FER: variants seen among roughly 807,000 people sequenced by gnomAD.
FER encodes FER tyrosine kinase.
In FER, 63 loss-of-function variants were observed where a neutral mutation model predicts 111.0. The observed-to-expected ratio is 0.57, with a 90% CI of 0.46 to 0.70. The LOEUF (loss-of-function observed/expected upper bound fraction) is 0.70. FER is among the 30% of genes least tolerant of loss of function. The probability of loss-of-function intolerance (pLI) is 0.00; values close to 1 mark genes in which losing one functional copy is unlikely to be tolerated. For synonymous variants in FER, 327 were observed against 313.9 expected, an observed-to-expected ratio of 1.04 and a Z score of -0.44; for missense variants, 914 against 954.0, an observed-to-expected ratio of 0.96 and a Z score of 0.55.
chr5:108,861,699 A>G (rs1763538096), intron 5 of FER, among the ~76,000 whole-genome samples: 1 of 152,204 alleles, frequency 6.6e-6, no homozygotes, highest in Non-Finnish European at 1.5e-5. Flanking sequence ...AAAAGTTAAG[A>G]AAGTATATTA....
chr5:108,797,057 A>G (rs1756108921), intron 2 of FER, among the ~76,000 whole-genome samples: 1 of 151,990 alleles, frequency 6.6e-6, no homozygotes. Context: ...CTGGTTATTC[A>G]GGGACCAGAG....
chr5:108,780,764 A>G (rs1189871393), intron 2 of FER, among the ~76,000 whole-genome samples: 1 of 151,124 alleles, frequency 6.6e-6, no homozygotes, highest in Non-Finnish European at 1.5e-5. Context: ...TTCCCATTAC[A>G]TGTATGTTAC....
At chr5:109,064,949 A>C (rs1195006622) in intron 16 of FER, among the ~76,000 whole-genome samples, 1 of 152,216 alleles carries the variant, frequency 6.6e-6, no homozygotes, top group Non-Finnish European at 1.5e-5. Context: ...AAGATGAACA[A>C]AGTTTAATGT....
At chr5:109,056,990 GATTTT>G (rs1252415730) in intron 16 of FER, among the ~76,000 whole-genome samples, 4 of 152,086 alleles carry the variant, frequency 2.6e-5, no homozygotes, top group African/African-American at 9.7e-5. Context: ...TTTAGAGTGA[GATTTT>G]ATTTTATCAA....
At chr5:108,762,411 C>T (rs762250893) in intron 1 of FER, among the ~76,000 whole-genome samples, 3 of 152,216 alleles carry the variant, frequency 2.0e-5, no homozygotes, top group Non-Finnish European at 4.4e-5. Context: ...CTACTTCTAT[C>T]ATCCTGGTTC....
At position 108,915,910 on chromosome 5, in the gene FER, C is replaced by G. The variant is rs944386999; in HGVS notation, c.1236+18062C>G. Among the ~76,000 whole-genome samples the G allele has an allele frequency of 3.9e-5, 6 of 152,136 alleles. No individual in the cohort carries two copies. In the South Asian group the frequency reaches 8.3e-4, roughly 21 times the overall value. ...AGAAGAGGGTCTGAGGTAAGAAAAG[C>G]TTTTCATTCCCTCTTCTTTCACTTT... On this transcript the variant is annotated intron_variant, in intron 10 of 19. Coordinates refer to ENST00000281092, the MANE Select transcript of FER (RefSeq NM_005246.4).
At chr5:108,753,952 A>G (rs1048612062) in intron 1 of FER, among the ~76,000 whole-genome samples, 3 of 152,156 alleles carry the variant, frequency 2.0e-5, no homozygotes, top group Non-Finnish European at 2.9e-5. Context: ...CAGGTACAAG[A>G]TATTTACATG....
chr5:108,771,077 A>C (rs1752847882), intron 2 of FER, among the ~76,000 whole-genome samples: 1 of 151,916 alleles, frequency 6.6e-6, no homozygotes, highest in Admixed American at 6.6e-5. Flanking sequence ...CTGGGATTAC[A>C]GATGCCCGCC....
chr5:109,019,844 TA>T, intron 13 of FER, among the ~76,000 whole-genome samples: 1 of 151,996 alleles, frequency 6.6e-6, no homozygotes, highest in East Asian at 1.9e-4. Flanking sequence ...TATTTATATA[TA>T]AAAAATGTTT....
intron 5 of FER, among the ~76,000 whole-genome samples, chr5:108,855,912 G>T (rs1264032590): frequency 6.6e-6 from 1 of 151,010 alleles, no homozygotes; most frequent in African/African-American, 2.4e-5. Flanking sequence ...ATGAAATACG[G>T]AATTAACTGG....
chr5:108,844,118 A>G (rs1402597221), intron 5 of FER, among the ~76,000 whole-genome samples: 2 of 92,858 alleles, frequency 2.2e-5, no homozygotes, highest in East Asian at 4.4e-4. Context: ...ATGTGTGTGA[A>G]CACATATATG....
At chr5:108,883,928 T>C (rs567572010) in intron 9 of FER, among the ~76,000 whole-genome samples, 38 of 152,154 alleles carry the variant, frequency 2.5e-4, no homozygotes, top group South Asian at 6.2e-4. Context: ...AGCAGACTGA[T>C]GAGAAAACAG....
intron 6 of FER, among the ~76,000 whole-genome samples, chr5:108,870,511 T>C (rs1227418959): frequency 2.0e-5 from 3 of 152,142 alleles, no homozygotes; most frequent in Non-Finnish European, 2.9e-5. Flanking sequence ...TATTTGAAAC[T>C]AGCATTGCCT....
chr5:109,166,995 A>AT (rs1212593909), intron 17 of FER, among the ~76,000 whole-genome samples: 1 of 152,130 alleles, frequency 6.6e-6, no homozygotes, highest in Non-Finnish European at 1.5e-5. Context: ...TTACGGCTTC[A>AT]TTTTTCATAT....
intron 8 of FER, among the ~76,000 whole-genome samples, chr5:108,882,589 C>T (rs935140008): frequency 4.6e-5 from 7 of 151,726 alleles, no homozygotes; most frequent in East Asian, 1.9e-4. Flanking sequence ...TGGTAATTTG[C>T]GCTGCAGGTA....
intron 13 of FER, among the ~76,000 whole-genome samples, chr5:108,973,250 G>A (rs1760909860): frequency 6.6e-6 from 1 of 152,054 alleles, no homozygotes; most frequent in African/African-American, 2.4e-5. Context: ...AATTAAATTA[G>A]TGTTCACCTT....
chr5:109,034,105 GACTT>G (rs1770026389), intron 13 of FER, among the ~76,000 whole-genome samples: 1 of 152,086 alleles, frequency 6.6e-6, no homozygotes, highest in Non-Finnish European at 1.5e-5. Flanking sequence ...ATCTAACTGA[GACTT>G]TGTACCATTT....
In FER at chr5:108,889,657, A is replaced by G. The variant is rs548520602; in HGVS notation, c.1046+6139A>G. Reference sequence around the variant, plus strand: ...TTAATTGTACATTTTAAAATAACTAAAAGAGTATAATAGGATAGTTTATAA... The same window carrying G: ...TTAATTGTACATTTTAAAATAACTAGAAGAGTATAATAGGATAGTTTATAA... On this transcript the variant is annotated intron_variant, in intron 9 of 19. Coordinates refer to ENST00000281092, the MANE Select transcript of FER (RefSeq NM_005246.4). 2.3e-4 allele frequency among the ~76,000 whole-genome samples: 35 copies of G among 152,076 alleles called. No individual in the cohort carries two copies. In the South Asian group the frequency reaches 6.6e-3, roughly 29 times the overall value.
At chr5:108,758,554 T>G (rs1751374247) in intron 1 of FER, among the ~76,000 whole-genome samples, 1 of 152,206 alleles carries the variant, frequency 6.6e-6, no homozygotes, top group South Asian at 2.1e-4. Flanking sequence ...TTTCTTTCAG[T>G]TGGGTTCAGG....
Sources: allele counts gnomAD v4.1 joint callset (sites outside exome capture counted in the v4.1 genomes callset), GRCh38; gene constraint gnomAD v4.1.1; transcripts MANE v1.5; gene names NCBI Gene and HGNC (gene_info 2026-07-23, HGNC 2026-07-21).